The following EYA4 variants were observed in gnomAD, a reference collection of about 807,000 sequenced individuals.
EYA4 encodes the protein EYA transcriptional coactivator and phosphatase 4, also known as protein phosphatase EYA4.
In EYA4, 31 loss-of-function variants were observed where a neutral mutation model predicts 87.9. That is an observed-to-expected ratio of 0.35 (90% CI 0.27 to 0.48). The LOEUF is 0.48. Ranked by LOEUF, EYA4 falls within the 20% of genes least tolerant of loss-of-function variation. EYA4 has a pLI of 0.99. For synonymous variants in EYA4, 263 were observed against 270.6 expected, an observed-to-expected ratio of 0.97 and a Z score of 0.28; for missense variants, 678 against 761.4, an observed-to-expected ratio of 0.89 and a Z score of 1.29.
chr6:133,482,094 CTATTTA>C (rs1323477541), intron 12 of EYA4, among the ~76,000 whole-genome samples: 2 of 152,130 alleles, frequency 1.3e-5, no homozygotes, highest in Non-Finnish European at 2.9e-5. Flanking sequence ...ATGTCACTTT[CTATTTA>C]TGAGTTCTTT....
intron 2 of EYA4, among the ~76,000 whole-genome samples, chr6:133,355,825 C>T (rs73559630): frequency 0.021 from 3,162 of 152,158 alleles, 114 homozygotes; most frequent in African/African-American, 0.073. Flanking sequence ...ATATAATTCT[C>T]AAAATTTCAA....
intron 14 of EYA4, among the ~76,000 whole-genome samples, chr6:133,508,502 A>G (rs1798848165): frequency 6.6e-6 from 1 of 152,180 alleles, no homozygotes; most frequent in Non-Finnish European, 1.5e-5. Flanking sequence ...TCAAAGGTAT[A>G]AAAAGAAAAA....
chr6:133,504,495 G>A (rs1392301673), intron 13 of EYA4, among the ~76,000 whole-genome samples: 2 of 152,134 alleles, frequency 1.3e-5, no homozygotes, highest in African/African-American at 2.4e-5. Context: ...TTGAAATCCA[G>A]CGTATTATTA....
intron 1 of EYA4, among the ~76,000 whole-genome samples, chr6:133,257,559 C>G (rs1488822528): frequency 6.6e-6 from 1 of 152,156 alleles, no homozygotes; most frequent in Non-Finnish European, 1.5e-5. Flanking sequence ...CAAACTACCA[C>G]AGTATTTTGC....
chr6:133,290,631 T>C (rs1778415147), intron 2 of EYA4, among the ~76,000 whole-genome samples: 1 of 152,202 alleles, frequency 6.6e-6, no homozygotes, highest in African/African-American at 2.4e-5. Context: ...CCTTGCCCAC[T>C]TAATCTCCTT....
At chr6:133,454,567 G>A (rs1166916649) in intron 5 of EYA4, among the ~76,000 whole-genome samples, 1 of 152,086 alleles carries the variant, frequency 6.6e-6, no homozygotes, top group Non-Finnish European at 1.5e-5. Context: ...GAAAAATAAA[G>A]ATGATGATAT....
intron 1 of EYA4, among the ~76,000 whole-genome samples, chr6:133,267,386 A>G (rs1169796672): frequency 6.8e-6 from 1 of 148,104 alleles, no homozygotes; most frequent in African/African-American, 2.5e-5. Flanking sequence ...TCACTTTTCC[A>G]CTTTTTTTTT....
At chr6:133,425,415 T>A (rs1790582606) in intron 3 of EYA4, among the ~76,000 whole-genome samples, 1 of 149,814 alleles carries the variant, frequency 6.7e-6, no homozygotes, top group Non-Finnish European at 1.5e-5. Context: ...ATAATATCCA[T>A]CTTCTACCCA....
At chr6:133,512,602 A>T (rs535836106) in intron 14 of EYA4, 119 bp from the exon 15 acceptor site, 1 of 806,216 alleles carries the variant, frequency 1.2e-6, no homozygotes, top group Non-Finnish European at 2.2e-6. Context: ...AATGAGATGG[A>T]CGGGCACATG....
chr6:133,296,015 C>T (rs151213320), intron 2 of EYA4, among the ~76,000 whole-genome samples: 1 of 152,158 alleles, frequency 6.6e-6, no homozygotes, highest in Admixed American at 6.5e-5. Context: ...GGTATTTGTA[C>T]TGTATTGCTG....
chr6:133,312,532 A>C (rs1354213226), intron 2 of EYA4, among the ~76,000 whole-genome samples: 2 of 152,210 alleles, frequency 1.3e-5, no homozygotes, highest in Non-Finnish European at 2.9e-5. Context: ...GTGAACGTCA[A>C]ATGGAATTGT....
intron 13 of EYA4, among the ~76,000 whole-genome samples, chr6:133,497,658 A>G (rs773049346): frequency 5.3e-5 from 8 of 152,300 alleles, no homozygotes; most frequent in African/African-American, 7.2e-5. Context: ...GTTTATTTCT[A>G]TTCCCTGATT....
chr6:133,284,418 C>T (rs1031195698), intron 2 of EYA4, among the ~76,000 whole-genome samples: 1 of 152,182 alleles, frequency 6.6e-6, no homozygotes, highest in African/African-American at 2.4e-5. Context: ...ATGTGATCCA[C>T]CTGCCTTGAC....
At chr6:133,463,333 C>T (rs1794563617) in intron 9 of EYA4, among the ~76,000 whole-genome samples, 1 of 150,174 alleles carries the variant, frequency 6.7e-6, no homozygotes, top group Non-Finnish European at 1.5e-5. Flanking sequence ...ATTTTAGACT[C>T]CTATTAAAAT....
At chr6:133,273,095 A>G (rs12333256) in intron 1 of EYA4, among the ~76,000 whole-genome samples, 15 of 111,550 alleles carry the variant, frequency 1.3e-4, no homozygotes, top group Non-Finnish European at 2.2e-4. Flanking sequence ...AGATATATAT[A>G]TGTATATATA....
intron 3 of EYA4, among the ~76,000 whole-genome samples, chr6:133,438,890 A>C (rs1192974825): frequency 3.3e-5 from 5 of 151,698 alleles, no homozygotes; most frequent in Non-Finnish European, 7.4e-5. Context: ...AAAATACAAA[A>C]AATTAGCCGG....
chr6:133,361,397 C>T (rs1784438231), intron 2 of EYA4, among the ~76,000 whole-genome samples: 2 of 152,104 alleles, frequency 1.3e-5, no homozygotes, highest in Admixed American at 6.5e-5. Flanking sequence ...TGTCATGTCA[C>T]CTTGAGGGAA....
chr6:133,245,144 A>G (rs1463317425), intron 1 of EYA4: 3 of 152,178 alleles, frequency 2.0e-5, no homozygotes, highest in African/African-American at 7.2e-5. Flanking sequence ...GCCCCTCTTT[A>G]TAAGGAGTTT....
intron 1 of EYA4, among the ~76,000 whole-genome samples, chr6:133,269,852 AC>A (rs1776541358): frequency 6.6e-6 from 1 of 152,116 alleles, no homozygotes; most frequent in South Asian, 2.1e-4. Context: ...AACTTAACTT[AC>A]CCTTAACAAT....
Sources: allele counts gnomAD v4.1 joint callset (sites outside exome capture counted in the v4.1 genomes callset), GRCh38; gene constraint gnomAD v4.1.1; transcripts MANE v1.5; gene names NCBI Gene and HGNC (gene_info 2026-07-23, HGNC 2026-07-21).